Variants in DMD observed in about 807,000 individuals in gnomAD.
The protein encoded by DMD is mutant dystrophin.
DMD carries 63 observed loss-of-function variants against 330.1 expected under a neutral mutation model. The ratio of observed to expected loss-of-function variants is 0.19; its 90% CI spans 0.16 to 0.24. DMD has a LOEUF of 0.24. Ranked by LOEUF, DMD falls within the 10% of genes least tolerant of loss-of-function variation. The probability of loss-of-function intolerance (pLI) is 1.00; values close to 1 mark genes in which losing one functional copy is unlikely to be tolerated. For missense variants in DMD, 3,344 were observed against 2,684.1 expected (o/e 1.25, Z -5.43); for synonymous variants, 1,223 against 959.8 (o/e 1.27, Z -5.07).
chrX:33,118,329 C>G (rs955102091), intron 1 of DMD, among the ~76,000 whole-genome samples: 20 of 109,838 alleles, frequency 1.8e-4, no homozygotes, highest in Admixed American at 1.8e-3. Flanking sequence ...CCAGGATGGT[C>G]TCGATCTCCT....
At chrX:31,638,687 G>A (rs1411971821) in intron 54 of DMD, among the ~76,000 whole-genome samples, 2 of 111,942 alleles carry the variant, frequency 1.8e-5, no homozygotes, top group Non-Finnish European at 3.8e-5. Flanking sequence ...TAGACAATAG[G>A]GATTTATCCC....
intron 4 of DMD, among the ~76,000 whole-genome samples, chrX:32,844,443 A>AAAAAAG (rs2080470899): frequency 9.1e-6 from 1 of 110,290 alleles, no homozygotes; most frequent in Non-Finnish European, 1.9e-5. Context: ...AAAAGAAAAG[A>AAAAAAG]AAAAAGAAAA....
chrX:31,344,960 T>C (rs951264400), intron 61 of DMD, among the ~76,000 whole-genome samples: 2 of 111,879 alleles, frequency 1.8e-5, no homozygotes, highest in African/African-American at 6.5e-5. Flanking sequence ...TATGGATACT[T>C]TTTCTTTTCT....
At chrX:32,787,245 TGTGAGAGAGAGA>T (rs1237356740) in intron 7 of DMD, among the ~76,000 whole-genome samples, 3 of 81,367 alleles carry the variant, frequency 3.7e-5, no homozygotes, top group Non-Finnish European at 7.8e-5. Context: ...TGTGTGTGTG[TGTGAGAGAGAGA>T]GAGAGAGAGA....
At chrX:32,136,129 T>C (rs771380072) in intron 44 of DMD, among the ~76,000 whole-genome samples, 2 of 112,822 alleles carry the variant, frequency 1.8e-5, no homozygotes, top group Non-Finnish European at 3.7e-5. Context: ...TATTTAAAAA[T>C]AGCTAAAATC....
chrX:32,370,258 A>C (rs565817003), intron 34 of DMD, among the ~76,000 whole-genome samples: 1 of 107,399 alleles, frequency 9.3e-6, no homozygotes, highest in Non-Finnish European at 1.9e-5. Context: ...AGCTGTAATC[A>C]TATCAATGGT....
chrX:31,679,340 GT>G, intron 53 of DMD, 34 bp downstream of exon 53: 1 of 1,044,811 alleles, frequency 9.6e-7, no homozygotes, highest in East Asian at 3.3e-5. Context: ...AATGTAACCA[GT>G]ATTTTATTTT....
intron 26 of DMD, among the ~76,000 whole-genome samples, chrX:32,452,026 T>A (rs1444206589): frequency 9.1e-6 from 1 of 109,620 alleles, no homozygotes; most frequent in Non-Finnish European, 1.9e-5. Flanking sequence ...TTGAGACAGT[T>A]TACTCTAGAG....
At chrX:31,991,084 A>G (rs1023920963) in intron 44 of DMD, among the ~76,000 whole-genome samples, 2 of 111,937 alleles carry the variant, frequency 1.8e-5, no homozygotes, top group Non-Finnish European at 3.8e-5. Flanking sequence ...GATGAGATGT[A>G]TAAGAAATAA....
chrX:32,496,234 T>C (rs2043472100), intron 19 of DMD, among the ~76,000 whole-genome samples: 2 of 111,779 alleles, frequency 1.8e-5, no homozygotes, highest in Non-Finnish European at 3.8e-5. Flanking sequence ...TTTCCAGAGC[T>C]CTTGAATTAA....
intron 44 of DMD, among the ~76,000 whole-genome samples, chrX:32,085,646 A>G (rs1042491660): frequency 1.1e-5 from 1 of 87,689 alleles, no homozygotes; most frequent in East Asian, 4.0e-4. Context: ...ATACGTATAT[A>G]TATGTGTGTA....
At chrX:32,705,804 T>A (rs943841761) in intron 7 of DMD, among the ~76,000 whole-genome samples, 16 of 111,527 alleles carry the variant, frequency 1.4e-4, no homozygotes, top group Admixed American at 7.6e-4. Flanking sequence ...TTTTCATGTG[T>A]TTTTTGGCTG....
chrX:32,832,956 T>C (rs2079276259), intron 4 of DMD, among the ~76,000 whole-genome samples: 1 of 111,486 alleles, frequency 9.0e-6, no homozygotes, highest in Non-Finnish European at 1.9e-5. Flanking sequence ...AGATAATTTT[T>C]GAAGCACATT....
chrX:33,270,461 C>T (rs2053134691), intron 1 of DMD, among the ~76,000 whole-genome samples: 1 of 111,945 alleles, frequency 8.9e-6, no homozygotes, highest in South Asian at 3.7e-4. Flanking sequence ...TATCTACCCA[C>T]TCTCATTTGC....
intron 50 of DMD, among the ~76,000 whole-genome samples, chrX:31,798,234 T>C (rs1215212740): frequency 9.0e-6 from 1 of 111,650 alleles, no homozygotes; most frequent in East Asian, 2.8e-4. Flanking sequence ...TTGTCTTTTT[T>C]GTGAGCATAA....
At chrX:32,713,604 T>C (rs187922806) in intron 7 of DMD, among the ~76,000 whole-genome samples, 1 of 111,966 alleles carries the variant, frequency 8.9e-6, no homozygotes, top group Non-Finnish European at 1.9e-5. Context: ...CTAGATTATT[T>C]CTTGTCACCT....
At chrX:31,147,060 C>T (rs969211506) in intron 75 of DMD, among the ~76,000 whole-genome samples, 1 of 111,659 alleles carries the variant, frequency 9.0e-6, no homozygotes, top group South Asian at 3.8e-4. Context: ...CAAGAAAAAA[C>T]CATTTTGGTA....
At chrX:31,257,670 C>T (rs1399478038) in intron 63 of DMD, among the ~76,000 whole-genome samples, 1 of 112,275 alleles carries the variant, frequency 8.9e-6, no homozygotes, top group African/African-American at 3.2e-5. Flanking sequence ...GCAGGCTGGG[C>T]GCTGTGGCTT....
At chrX:32,157,194 CTAT>C (rs1422839688) in intron 44 of DMD, among the ~76,000 whole-genome samples, 5 of 112,084 alleles carry the variant, frequency 4.5e-5, no homozygotes, top group Non-Finnish European at 9.4e-5. Context: ...TCTTTACTGC[CTAT>C]TACTCCACTT....
Sources: gnomAD v4.1 joint callset for allele counts (sites outside exome capture counted in the v4.1 genomes callset) on GRCh38, gnomAD v4.1.1 for gene constraint, MANE v1.5 for transcripts, NCBI Gene and HGNC (gene_info 2026-07-23, HGNC 2026-07-21) for gene names.